Variants in TMEM120B observed in about 807,000 individuals in gnomAD.
TMEM120B encodes transmembrane protein 120B.
TMEM120B carries 31 observed loss-of-function variants against 55.5 expected under a neutral mutation model. The ratio of observed to expected loss-of-function variants is 0.56; its 90% CI spans 0.42 to 0.75. TMEM120B has a LOEUF of 0.75. Among genes scored for constraint, TMEM120B ranks in the 30% least tolerant of loss-of-function variants. The pLI is 0.00. For synonymous variants in TMEM120B, 203 were observed against 176.3 expected (o/e 1.15, Z -1.20); for missense variants, 399 against 425.5 (o/e 0.94, Z 0.55).
At chr12:121,768,415 A>G (rs900220595) in intron 6 of TMEM120B, among the ~76,000 whole-genome samples, 3 of 152,152 alleles carry the variant, frequency 2.0e-5, no homozygotes, top group South Asian at 2.1e-4. Context: ...TGAAAAGCCA[A>G]TTTATGCCCA....
chr12:121,773,767 T>TACACACACACACACACACACACACACAC (rs139459284), intron 9 of TMEM120B, among the ~76,000 whole-genome samples: 41 of 151,370 alleles, frequency 2.7e-4, no homozygotes, highest in African/African-American at 1.0e-3. Flanking sequence ...TGTTCTAGAA[T>TACACACACACACACACACACACACACAC]ACACACACAC....
At chr12:121,750,658 C>A in intron 4 of TMEM120B, among the ~76,000 whole-genome samples, 1 of 142,268 alleles carries the variant, frequency 7.0e-6, no homozygotes, top group Non-Finnish European at 1.5e-5. Context: ...CCCACACCCA[C>A]ACCCACACCC....
intron 1 of TMEM120B, among the ~76,000 whole-genome samples, chr12:121,741,594 G>T (rs147632401): frequency 2.6e-5 from 4 of 152,092 alleles, no homozygotes; most frequent in Admixed American, 2.0e-4. Context: ...CTCCCAAAGT[G>T]CTGGGATTAC....
At chr12:121,771,432 G>T in intron 7 of TMEM120B, 56 bp from the exon 8 acceptor site, 1 of 1,461,142 alleles carries the variant, frequency 6.8e-7, no homozygotes, top group South Asian at 1.1e-5. Context: ...GGGGCGGGGA[G>T]GAATGTCTCA....
intron 1 of TMEM120B, among the ~76,000 whole-genome samples, chr12:121,743,323 G>A (rs1442861062): frequency 6.6e-6 from 1 of 151,850 alleles, no homozygotes; most frequent in East Asian, 1.9e-4. Flanking sequence ...GGCCGAAGCG[G>A]GCAGGTCACA....
At chr12:121,734,891 C>T (rs920516954) in intron 1 of TMEM120B, among the ~76,000 whole-genome samples, 26 of 148,940 alleles carry the variant, frequency 1.7e-4, no homozygotes, top group Non-Finnish European at 3.3e-4. Flanking sequence ...CCAGCCTGGG[C>T]GACAAGAGCA....
intron 1 of TMEM120B, among the ~76,000 whole-genome samples, chr12:121,730,835 G>A (rs1386558647): frequency 2.0e-5 from 3 of 151,230 alleles, no homozygotes; most frequent in African/African-American, 7.3e-5. Context: ...GCACATGCCT[G>A]TAATCCCAGC....
intron 1 of TMEM120B, among the ~76,000 whole-genome samples, chr12:121,736,327 G>GTT (rs200851425): frequency 0.03 from 4,137 of 137,100 alleles, 216 homozygotes; most frequent in African/African-American, 0.11. Flanking sequence ...ATTGTTTGGT[G>GTT]TTTTTTTTTT....
Position 121,743,647 on chromosome 12 carries a change from A to C in TMEM120B, c.88A>C (p.Lys30Gln), listed in dbSNP as rs1487514763. ...TCTTCAGGAGACGCACAGGATCTACAAGCAGAAGCTGGAGGAGCTGGCTGC... is the reference window on the plus strand; with the variant it reads ...TCTTCAGGAGACGCACAGGATCTACCAGCAGAAGCTGGAGGAGCTGGCTGC... ...QELQETHRIYKQKLEELAALQ... is the reference protein window; with the variant it reads ...QELQETHRIYQQKLEELAALQ... Residue 30 changes from lysine (K) to glutamine (Q), a missense_variant, in exon 2 of 12, where the codon AAG becomes CAG. Transcript: ENST00000449592. 1.9e-6 allele frequency: 3 copies of C among 1,613,440 alleles called. No homozygotes were observed. The highest frequency in any genetic ancestry group is 2.7e-5 in the African/African-American group (2 of 74,850).
At position 121,737,280 on chromosome 12, in the gene TMEM120B, G is replaced by A. The variant is rs146850769; in HGVS notation, c.70-6349G>A. Among the ~76,000 whole-genome samples the A allele has an allele frequency of 5.2e-3, 789 of 152,146 alleles. 2 individuals are homozygous for A. The highest frequency in any genetic ancestry group is 0.018 in the South Asian group (88 of 4,818). On this transcript the variant is annotated intron_variant, in intron 1 of 11. Coordinates refer to ENST00000449592, the MANE Select transcript of TMEM120B (RefSeq NM_001080825.2). Reference sequence around the variant, plus strand: ...CAGACTTTGGGAGGCCGAGGTGGGCGGATTACCCAAGGTCATGAGTTTGAT... The same window carrying A: ...CAGACTTTGGGAGGCCGAGGTGGGCAGATTACCCAAGGTCATGAGTTTGAT...
rs75376217 is a variant in TMEM120B at position 121,713,470 on chromosome 12, G to A, written c.69+506G>A. On this transcript the variant is annotated intron_variant, in intron 1 of 11. Transcript: ENST00000449592. ...CTTGAACCTCTAGGTTGTGCTTGGGGATTAGGGACCCCTATTTCCTGTCTT... is the reference window on the plus strand; with the variant it reads ...CTTGAACCTCTAGGTTGTGCTTGGGAATTAGGGACCCCTATTTCCTGTCTT... Among the ~76,000 whole-genome samples, 755 of 152,302 alleles carry A rather than the reference G, an allele frequency of 5.0e-3. 3 individuals carry two copies. The highest frequency in any genetic ancestry group is 8.2e-3 in the Non-Finnish European group (556 of 68,026).
intron 1 of TMEM120B, among the ~76,000 whole-genome samples, chr12:121,740,067 A>G (rs1872888350): frequency 6.6e-6 from 1 of 152,090 alleles, no homozygotes; most frequent in Admixed American, 6.6e-5. Flanking sequence ...GCGTGAGCCA[A>G]CGCGCCCGGC....
intron 5 of TMEM120B, among the ~76,000 whole-genome samples, chr12:121,755,490 G>T (rs1050461163): frequency 1.3e-5 from 2 of 152,234 alleles, no homozygotes; most frequent in Non-Finnish European, 2.9e-5. Flanking sequence ...TTTGAACCAG[G>T]CTAGGAAAGA....
intron 1 of TMEM120B, among the ~76,000 whole-genome samples, chr12:121,727,927 T>C (rs986452602): frequency 6.6e-6 from 1 of 151,472 alleles, no homozygotes; most frequent in Non-Finnish European, 1.5e-5. Flanking sequence ...GTTCAGAGCT[T>C]CTTTTCTTAA....
intron 5 of TMEM120B, among the ~76,000 whole-genome samples, chr12:121,753,960 G>A (rs565198208): frequency 6.6e-6 from 1 of 152,234 alleles, no homozygotes; most frequent in East Asian, 1.9e-4. Context: ...CAGCCATGCC[G>A]TGAGGCTGTG....
At chr12:121,767,924 G>A (rs994799650) in intron 6 of TMEM120B, among the ~76,000 whole-genome samples, 1 of 152,184 alleles carries the variant, frequency 6.6e-6, no homozygotes, top group Non-Finnish European at 1.5e-5. Flanking sequence ...CATTTCTCAG[G>A]GGAGCTTTGG....
intron 5 of TMEM120B, among the ~76,000 whole-genome samples, chr12:121,759,269 G>A (rs777238143): frequency 3.9e-5 from 6 of 151,938 alleles, no homozygotes; most frequent in Non-Finnish European, 8.8e-5. Context: ...AGTTCCCTGC[G>A]GCAAATCCGA....
chr12:121,739,136 A>G (rs911477940), intron 1 of TMEM120B, among the ~76,000 whole-genome samples: 4 of 152,282 alleles, frequency 2.6e-5, no homozygotes, highest in Admixed American at 2.0e-4. Flanking sequence ...GCAGTGAGCC[A>G]AGATCGCACC....
intron 9 of TMEM120B, 52 bp from the exon 10 acceptor site, chr12:121,774,606 T>C: frequency 6.4e-7 from 1 of 1,569,700 alleles, no homozygotes; most frequent in Non-Finnish European, 8.7e-7. Context: ...GGTGGAGCTG[T>C]GGGGGCAGCG....
Sources: allele counts gnomAD v4.1 joint callset (sites outside exome capture counted in the v4.1 genomes callset), GRCh38; gene constraint gnomAD v4.1.1; transcripts MANE v1.5; gene names NCBI Gene and HGNC (gene_info 2026-07-23, HGNC 2026-07-21).